OOSP2: variants seen among roughly 807,000 people sequenced by gnomAD.
The protein encoded by OOSP2 is oocyte secreted protein 2.
OOSP2 carries 7 observed loss-of-function variants against 13.4 expected under a neutral mutation model. The ratio of observed to expected loss-of-function variants is 0.52; its 90% confidence interval spans 0.30 to 0.98. The LOEUF (loss-of-function observed/expected upper bound fraction) is 0.98, where lower values mean the gene tolerates loss of function less well. OOSP2 is among the 50% of genes least tolerant of loss of function. The probability of loss-of-function intolerance (pLI) is 0.07; values close to 1 mark genes in which losing one functional copy is unlikely to be tolerated. For synonymous variants in OOSP2, 75 were observed against 67.2 expected (o/e 1.12, Z -0.57); for missense variants, 184 against 188.5 (o/e 0.98, Z 0.14).
intron 3 of OOSP2, among the ~76,000 whole-genome samples, chr11:60,045,937 C>A (rs571067816): frequency 2.6e-5 from 4 of 152,134 alleles, no homozygotes; most frequent in Non-Finnish European, 5.9e-5. Context: ...CTGTCTCTGT[C>A]CTTGTCTGTC....
intron 2 of OOSP2, 136 bp from the exon 3 acceptor site, chr11:60,044,535 G>T: frequency 2.1e-6 from 1 of 477,424 alleles, no homozygotes. Context: ...CCAGTGAGTT[G>T]TCATATCTTT....
chr11:60,043,894 T>C (rs1854973345), intron 2 of OOSP2, among the ~76,000 whole-genome samples: 1 of 152,220 alleles, frequency 6.6e-6, no homozygotes, highest in Non-Finnish European at 1.5e-5. Flanking sequence ...TACTATTATA[T>C]TTTACTAAAT....
intron 2 of OOSP2, among the ~76,000 whole-genome samples, 191 bp from the exon 3 acceptor site, chr11:60,044,480 C>T (rs1284975921): frequency 6.6e-6 from 1 of 152,216 alleles, no homozygotes; most frequent in Non-Finnish European, 1.5e-5. Context: ...GTTTTGCCCC[C>T]AGGCATTTTA....
Position 60,043,482 on chromosome 11 carries a change from C to T in OOSP2, c.78C>T (p.Cys26=). ...GAENLHVKIS[C]SLDWLMVSVI... ...TTCTTTCCACAGTGAAAATAAGTTG[C>T]TCTCTGGACTGGTTGATGGTCTCAG... Residue 26 remains cysteine, a synonymous_variant, in exon 2 of 4, where the codon TGC becomes TGT. Transcript: ENST00000278855. The T allele has an allele frequency of 6.2e-7, 1 of 1,611,076 alleles. No individual in the cohort carries two copies. Among genetic ancestry groups the T allele is most frequent in the Non-Finnish European group, 8.5e-7 (1 of 1,177,534 alleles).
rs114871376 is a variant in OOSP2 at position 60,042,645 on chromosome 11, C to G, written c.65-824C>G. 2.6e-3 allele frequency among the ~76,000 whole-genome samples: 398 copies of G among 152,248 alleles called. 1 individual carries two copies. Among genetic ancestry groups the G allele is most frequent in the African/African-American group, 9.2e-3 (382 of 41,550 alleles). On this transcript the variant is annotated intron_variant, in intron 1 of 3. Transcript: ENST00000278855. ...CAAAACGTGCATGGAGCTAACATCC[C>G]AAATAAAGGGCTTTCTCTCTCTTTT...
At chr11:60,042,438 A>G (rs541449736) in intron 1 of OOSP2, among the ~76,000 whole-genome samples, 2 of 152,320 alleles carry the variant, frequency 1.3e-5, no homozygotes, top group East Asian at 3.9e-4. Flanking sequence ...TTCTCTCTAA[A>G]GGCGGAACTT....
chr11:60,047,255 A>G lies in OOSP2; in HGVS notation c.*182A>G. ...TGAATGTGTATTTCTAAATATTTGT[A>G]TTCAGTAGGGGTATGGCTGATTAAT... On this transcript the variant is annotated 3_prime_UTR_variant, in exon 4 of 4. Transcript: ENST00000278855. 1.9e-6 allele frequency: 1 copy of G among 529,416 alleles called. No homozygotes were observed. Among genetic ancestry groups the G allele is most frequent in the South Asian group, 2.6e-5 (1 of 38,360 alleles). 32.8% of individuals were successfully genotyped at this position (529,416 alleles called of 1,614,324 possible).
intron 3 of OOSP2, among the ~76,000 whole-genome samples, chr11:60,046,219 CTCTT>C (rs1855007186): frequency 6.6e-6 from 1 of 151,672 alleles, no homozygotes; most frequent in Non-Finnish European, 1.5e-5. Flanking sequence ...CTGTCTCTCT[CTCTT>C]TCTCCCTGTC....
chr11:60,040,574 A>G, intron 1 of OOSP2, 51 bp downstream of exon 1: 1 of 986,138 alleles, frequency 1.0e-6, no homozygotes, highest in South Asian at 1.3e-5. Flanking sequence ...AATCATAATG[A>G]TCGCTTTCCA....
chr11:60,044,391 C>T (rs573015957), intron 2 of OOSP2, among the ~76,000 whole-genome samples: 2 of 152,310 alleles, frequency 1.3e-5, no homozygotes, highest in Admixed American at 1.3e-4. Context: ...CTCAAAGGAA[C>T]TGTTGGAAAC....
At position 60,047,210 on chromosome 11, in the gene OOSP2, G is replaced by T. The variant is rs1855019968; in HGVS notation, c.*137G>T. 9.2e-6 allele frequency: 6 copies of T among 652,448 alleles called. No homozygotes were observed. The highest frequency in any genetic ancestry group is 3.0e-5 in the Admixed American group (1 of 33,766). The allele number at this position is 652,448 out of a possible 1,614,324, so 40.4% of individuals were successfully genotyped here. Reference sequence around the variant, plus strand: ...TTTCTAAAAACCCTACTTCAGTAAAGGTCCTGATTAGTTGATTAGTGAATG... The same window carrying T: ...TTTCTAAAAACCCTACTTCAGTAAATGTCCTGATTAGTTGATTAGTGAATG... On this transcript the variant is annotated 3_prime_UTR_variant, in exon 4 of 4. Coordinates refer to ENST00000278855, the MANE Select transcript of OOSP2 (RefSeq NM_173801.5).
chr11:60,043,506 A>C lies in OOSP2; in HGVS notation c.102A>C (p.Ser34=). ...ISCSLDWLMV[S]VIPVAESRNL... is the part of the protein sequence containing the mutation. The stretch of plus-strand genomic sequence containing the variant: ...GCTCTCTGGACTGGTTGATGGTCTC[A>C]GTTATCCCAGTTGCAGAAAGCAGAA... The change falls in exon 2 of 4, where the codon TCA becomes TCC. Residue 34 remains serine, a synonymous_variant. Coordinates refer to ENST00000278855, the MANE Select transcript of OOSP2 (RefSeq NM_173801.5). The C allele has an allele frequency of 1.9e-6, 3 of 1,613,522 alleles. No individual in the cohort carries two copies. The highest frequency in any genetic ancestry group is 2.5e-6 in the Non-Finnish European group (3 of 1,179,460).
Position 60,047,250 on chromosome 11 carries a change from T to C in OOSP2, c.*177T>C. The stretch of plus-strand genomic sequence containing the variant: ...ATTAGTGAATGTGTATTTCTAAATA[T>C]TTGTATTCAGTAGGGGTATGGCTGA... On this transcript the variant is annotated 3_prime_UTR_variant, in exon 4 of 4. Coordinates refer to ENST00000278855, the MANE Select transcript of OOSP2 (RefSeq NM_173801.5). The C allele has an allele frequency of 3.7e-6, 2 of 537,634 alleles. No homozygotes were observed. Among genetic ancestry groups the C allele is most frequent in the Non-Finnish European group, 6.6e-6 (2 of 304,500 alleles). 33.3% of individuals were successfully genotyped at this position (537,634 alleles called of 1,614,324 possible).
At chr11:60,046,921 C>T in intron 3 of OOSP2, 23 bp from the exon 4 acceptor site, 1 of 1,602,818 alleles carries the variant, frequency 6.2e-7, no homozygotes, top group Non-Finnish European at 8.5e-7. Context: ...ACACTATCTG[C>T]TTTCTGTTTC....
At chr11:60,041,722 G>T (rs1372765724) in intron 1 of OOSP2, among the ~76,000 whole-genome samples, 2 of 151,772 alleles carry the variant, frequency 1.3e-5, no homozygotes, top group Non-Finnish European at 2.9e-5. Flanking sequence ...GTAGTGGTGG[G>T]CGCCTGTAAT....
chr11:60,044,818 C>T, intron 3 of OOSP2, 44 bp downstream of exon 3: 1 of 901,398 alleles, frequency 1.1e-6, no homozygotes, highest in Non-Finnish European at 1.8e-6. Context: ...TTTAGCTTTA[C>T]CTTTGCTTAT....
rs748704580 is a variant in OOSP2 at position 60,047,015 on chromosome 11, A to T, written c.419A>T (p.Asp140Val). ...TTGGATCCTAGTCCTTTTATTGCTG[A>T]CTTTCAGACAACAGCAGAAGAGTTA... The part of the protein sequence containing the change: ...IKLDPSPFIA[D>V]FQTTAEELGL... The change falls in exon 4 of 4, where the codon GAC (aspartate) becomes GTC (valine). Residue 140 changes from aspartate to valine, a missense_variant. Transcript: ENST00000278855. 2 of 1,609,862 alleles carry T rather than the reference A, an allele frequency of 1.2e-6. No homozygotes were observed. Among genetic ancestry groups the T allele is most frequent in the South Asian group, 2.2e-5 (2 of 90,974 alleles).
rs758882178 is a variant in OOSP2, at chr11:60,043,624, C to T, written c.220C>T (p.Arg74Cys). The T allele has an allele frequency of 1.3e-5, 21 of 1,602,782 alleles. No individual in the cohort carries two copies. The highest frequency in any genetic ancestry group is 4.0e-5 in the African/African-American group (3 of 74,714). The change falls in exon 2 of 4, where the codon CGT becomes TGT. Residue 74 changes from arginine (R) to cysteine (C), a missense_variant. Transcript: ENST00000278855. ...TYVYEFIYLV[R>C]DCGIRTRVVS... is the part of the protein sequence containing the mutation. ...TGTATATGAGTTTATATATCTTGTT[C>T]GTGATTGTGGCATCAGGACAAGGGT...
Position 60,044,668 on chromosome 11 carries a change from T to C in OOSP2, c.244-3T>C, listed in dbSNP as rs760361254. Reference sequence around the variant, plus strand: ...CTTCCACTGAAACTTCATGCTCTCCTAGGTAGTTTCTGAGGAAACTCTCCT... The same window carrying C: ...CTTCCACTGAAACTTCATGCTCTCCCAGGTAGTTTCTGAGGAAACTCTCCT... On this transcript the variant is annotated splice_region_variant and splice_polypyrimidine_tract_variant and intron_variant, in intron 2 of 3. Coordinates refer to ENST00000278855, the MANE Select transcript of OOSP2 (RefSeq NM_173801.5). 7.1e-7 allele frequency: 1 copy of C among 1,400,314 alleles called. No homozygotes were observed. Among genetic ancestry groups the C allele is most frequent in the East Asian group, 2.3e-5 (1 of 43,792 alleles). 86.7% of individuals were successfully genotyped at this position (1,400,314 alleles called of 1,614,324 possible). A position where few individuals can be genotyped will look rare whatever the true frequency, so the allele number is the denominator to read the frequency against.
Sources: gnomAD v4.1 joint callset for allele counts (sites outside exome capture counted in the v4.1 genomes callset) on GRCh38, gnomAD v4.1.1 for gene constraint, MANE v1.5 for transcripts, NCBI Gene and HGNC (gene_info 2026-07-23, HGNC 2026-07-21) for gene names.